ADAMTS12: variants seen among roughly 807,000 people sequenced by gnomAD.
ADAMTS12 encodes A disintegrin and metalloproteinase with thrombospondin motifs 12.
ADAMTS12 carries 118 observed loss-of-function variants against 167.8 expected under a neutral mutation model. That is an observed-to-expected ratio of 0.70 (90% CI 0.61 to 0.82). The LOEUF (loss-of-function observed/expected upper bound fraction) is 0.82, where lower values mean the gene tolerates loss of function less well. Among genes scored for constraint, ADAMTS12 ranks in the 40% least tolerant of loss-of-function variants. The pLI is 0.00. For synonymous variants in ADAMTS12, 704 were observed against 716.9 expected, an observed-to-expected ratio of 0.98 and a Z score of 0.29; for missense variants, 1,916 against 1,998.8, an observed-to-expected ratio of 0.96 and a Z score of 0.79.
intron 14 of ADAMTS12, 81 bp downstream of exon 14, chr5:33,624,150 A>G (rs1739465556): frequency 5.1e-6 from 8 of 1,579,802 alleles, no homozygotes; most frequent in Non-Finnish European, 6.9e-6. Flanking sequence ...AAATAAAAAC[A>G]AAAACTAGGA....
At chr5:33,624,501 A>G (rs1455026111) in intron 13 of ADAMTS12, 150 bp from the exon 14 acceptor site, 2 of 1,165,968 alleles carry the variant, frequency 1.7e-6, no homozygotes, top group Non-Finnish European at 2.4e-6. Context: ...GGTGGCAGCA[A>G]GAGGAATATC....
At chr5:33,779,374 C>CA (rs1339343457) in intron 2 of ADAMTS12, among the ~76,000 whole-genome samples, 1 of 151,944 alleles carries the variant, frequency 6.6e-6, no homozygotes, top group Non-Finnish European at 1.5e-5. Flanking sequence ...TTAGTAGAGA[C>CA]AGAGTTTCAC....
At chr5:33,705,076 A>G (rs1743142988) in intron 3 of ADAMTS12, among the ~76,000 whole-genome samples, 1 of 151,352 alleles carries the variant, frequency 6.6e-6, no homozygotes, top group African/African-American at 2.4e-5. Context: ...TTCCTCCGAG[A>G]CCCCAAAGTC....
chr5:33,566,624 C>T (rs532088318), intron 19 of ADAMTS12, among the ~76,000 whole-genome samples: 12 of 152,308 alleles, frequency 7.9e-5, no homozygotes, highest in Admixed American at 3.9e-4. Context: ...TCTCATGCCT[C>T]ACCTGGACTA....
chr5:33,594,201 T>C (rs937653844), intron 17 of ADAMTS12, among the ~76,000 whole-genome samples: 1 of 152,198 alleles, frequency 6.6e-6, no homozygotes, highest in African/African-American at 2.4e-5. Flanking sequence ...ATTTGATGGC[T>C]TTATTAGGGC....
chr5:33,807,019 T>C (rs1168620514), intron 2 of ADAMTS12, among the ~76,000 whole-genome samples: 1 of 152,170 alleles, frequency 6.6e-6, no homozygotes, highest in East Asian at 1.9e-4. Flanking sequence ...TTAATGGTTT[T>C]CCATGCTCTC....
intron 3 of ADAMTS12, among the ~76,000 whole-genome samples, chr5:33,732,575 T>G (rs1179320833): frequency 3.9e-5 from 6 of 152,138 alleles, no homozygotes; most frequent in Admixed American, 1.3e-4. Flanking sequence ...CAGAAATAAT[T>G]AGGGCACTCC....
intron 17 of ADAMTS12, among the ~76,000 whole-genome samples, chr5:33,592,259 A>C (rs1452090119): frequency 1.4e-5 from 2 of 138,348 alleles, no homozygotes; most frequent in African/African-American, 3.5e-5. Context: ...AACAAAAAAC[A>C]AAAAAACAAA....
chr5:33,683,992 G>C lies in ADAMTS12; in HGVS notation c.698C>G (p.Pro233Arg), dbSNP rs770773767. The change falls in exon 4 of 24, where the codon CCA becomes CGA. Residue 233 changes from proline (P) to arginine (R), a missense_variant. Transcript: ENST00000504830. ...WREKWERHNL[P>R]SRSLSRRSIS... ...GGAACGCCGAGAGAGGCTTCTGCTT[G>C]GCAAGTTGTGCCTCTCCCACTTCTC... is the stretch of plus-strand genomic sequence containing the variant. The C allele has an allele frequency of 2.3e-5, 37 of 1,611,014 alleles. No individual in the cohort carries two copies. The highest frequency in any genetic ancestry group is 2.8e-5 in the Non-Finnish European group (33 of 1,178,790).
At chr5:33,805,723 T>C (rs749769672) in intron 2 of ADAMTS12, among the ~76,000 whole-genome samples, 1 of 152,138 alleles carries the variant, frequency 6.6e-6, no homozygotes, top group South Asian at 2.1e-4. Context: ...TTATGATATG[T>C]ATGCTGTGAA....
In ADAMTS12 at chr5:33,549,362, C is replaced by T. The variant is rs1436110386; in HGVS notation, c.4147G>A (p.Gly1383Ser). 6.2e-7 allele frequency: 1 copy of T among 1,613,806 alleles called. No homozygotes were observed. The highest frequency in any genetic ancestry group is 1.7e-4 in the Middle Eastern group (1 of 6,060). The change falls in exon 21 of 24, where the codon GGC (glycine) becomes AGC (serine). Residue 1383 changes from glycine to serine, a missense_variant. Physicochemically the swap from Gly to Ser is moderately conservative, Grantham distance 56 (BLOSUM62 0). Coordinates refer to ENST00000504830, the MANE Select transcript of ADAMTS12 (RefSeq NM_030955.4). Reference protein sequence around the residue: ...WSKCSRNCSGGFKIREIQCVD... With the variant: ...WSKCSRNCSGSFKIREIQCVD... ...CACTGAATCTCGCGTATCTTGAAGC[C>T]CCCACTGCAGTTTCTGGAGCACTGT...
rs746021718 is a variant in ADAMTS12 at position 33,791,995 on chromosome 5, C to CTTTTT, written c.490-40452_490-40448dup. On this transcript the variant is annotated intron_variant, in intron 2 of 23. Coordinates refer to ENST00000504830, the MANE Select transcript of ADAMTS12 (RefSeq NM_030955.4). ...GTCTTAGCTTAAACGTGCTTTCACA[C>CTTTTT]TTTTTTTTTTTTTTTTTTTTGAGAT... is the stretch of plus-strand genomic sequence containing the variant. Among the ~76,000 whole-genome samples, 175 of 119,344 alleles carry CTTTTT rather than the reference C, an allele frequency of 1.5e-3. 3 individuals carry two copies. Among genetic ancestry groups the CTTTTT allele is most frequent in the African/African-American group, 5.4e-3 (162 of 29,850 alleles). 78.3% of individuals were successfully genotyped at this position (119,344 alleles called of 152,430 possible).
At chr5:33,648,755 C>T (rs1740770326) in intron 9 of ADAMTS12, 67 bp downstream of exon 9, 8 of 1,587,098 alleles carry the variant, frequency 5.0e-6, no homozygotes, top group Non-Finnish European at 6.9e-6. Flanking sequence ...CAAATATTGT[C>T]CTGGCCCTTC....
intron 5 of ADAMTS12, among the ~76,000 whole-genome samples, chr5:33,677,831 C>T (rs1418688714): frequency 6.6e-6 from 1 of 152,180 alleles, no homozygotes. Flanking sequence ...TGAAATATGA[C>T]TATCTCGCCT....
chr5:33,750,398 G>A (rs1480908872), intron 3 of ADAMTS12, among the ~76,000 whole-genome samples: 2 of 152,198 alleles, frequency 1.3e-5, no homozygotes, highest in Non-Finnish European at 2.9e-5. Flanking sequence ...TAGGGACTGG[G>A]TGAAGTCTGT....
chr5:33,761,015 T>C (rs112884241), intron 2 of ADAMTS12, among the ~76,000 whole-genome samples: 1,898 of 152,194 alleles, frequency 0.012, 35 homozygotes, highest in African/African-American at 0.043. Flanking sequence ...GAAAAATTGC[T>C]AGCACATCGG....
intron 12 of ADAMTS12, 52 bp downstream of exon 12, chr5:33,637,525 C>T: frequency 6.5e-7 from 1 of 1,549,764 alleles, no homozygotes; most frequent in Non-Finnish European, 8.8e-7. Context: ...CATACAAATG[C>T]TTTGAGAATG....
chr5:33,553,208 A>G (rs1228913004), intron 20 of ADAMTS12, among the ~76,000 whole-genome samples: 1 of 152,168 alleles, frequency 6.6e-6, no homozygotes, highest in Non-Finnish European at 1.5e-5. Flanking sequence ...TAAAAAGTAA[A>G]AAAATAACAG....
At chr5:33,538,614 T>A (rs1744529707) in intron 22 of ADAMTS12, among the ~76,000 whole-genome samples, 1 of 152,142 alleles carries the variant, frequency 6.6e-6, no homozygotes, top group African/African-American at 2.4e-5. Context: ...TAACTCTTCT[T>A]CTTTCCTACT....
Sources: allele counts gnomAD v4.1 joint callset (sites outside exome capture counted in the v4.1 genomes callset), GRCh38; gene constraint gnomAD v4.1.1; transcripts MANE v1.5; gene names NCBI Gene and HGNC (gene_info 2026-07-23, HGNC 2026-07-21).